The following APOD variants were observed in gnomAD, a reference collection of about 807,000 sequenced individuals.
The protein encoded by APOD is apo-D.
APOD carries 22 observed loss-of-function variants against 20.4 expected under a neutral mutation model. That is an observed-to-expected ratio of 1.08 (90% CI 0.77 to 1.54). The LOEUF is 1.54. Ranked by LOEUF, APOD falls within the 40% of genes most tolerant of loss-of-function variation. APOD has a pLI of 0.00. For missense variants in APOD, 223 were observed against 229.6 expected (o/e 0.97, Z 0.19); for synonymous variants, 97 against 92.4 (o/e 1.05, Z -0.29).
At chr3:195,581,572 G>A (rs1157946562) in intron 1 of APOD, among the ~76,000 whole-genome samples, 1 of 152,094 alleles carries the variant, frequency 6.6e-6, no homozygotes, top group Non-Finnish European at 1.5e-5. Flanking sequence ...GGGAAGCTGG[G>A]GCCTGGAAGG....
Position 195,574,730 on chromosome 3 carries a change from G to A in APOD, c.124-759C>T, listed in dbSNP as rs989368550. ...GTGTAAAGTTATTCATTACAGTACC[G>A]TTTGTAATAATACAAGATAGGAAAC... On this transcript the variant is annotated intron_variant, in intron 2 of 4. Transcript: ENST00000343267. 4.6e-5 allele frequency among the ~76,000 whole-genome samples: 7 copies of A among 152,264 alleles called. No individual in the cohort carries two copies. The South Asian group carries it at 6.2e-4, about 14-fold the overall frequency.
intron 1 of APOD, among the ~76,000 whole-genome samples, chr3:195,582,365 T>C (rs779475872): frequency 3.5e-4 from 54 of 152,374 alleles, no homozygotes; most frequent in Non-Finnish European, 5.9e-4. Context: ...ATACGACATA[T>C]ATTTTTGCAT....
At chr3:195,580,365 C>CTTTCT (rs139094015) in intron 1 of APOD, among the ~76,000 whole-genome samples, 6 of 124,332 alleles carry the variant, frequency 4.8e-5, no homozygotes, top group African/African-American at 8.2e-5. Flanking sequence ...TTCTTTCTTT[C>CTTTCT]TTCTTTTTTT....
intron 4 of APOD, 86 bp from the exon 5 acceptor site, chr3:195,569,221 A>G: frequency 1.8e-6 from 2 of 1,130,644 alleles, no homozygotes; most frequent in Admixed American, 3.8e-5. Flanking sequence ...CCAGACAACC[A>G]CCCACCAAGC....
chr3:195,569,786 G>GGT (rs1720126677), intron 4 of APOD, among the ~76,000 whole-genome samples: 74 of 54,044 alleles, frequency 1.4e-3, no homozygotes, highest in African/African-American at 5.5e-3. Flanking sequence ...CTTCTTCTTC[G>GGT]TTTTTTTTTT....
chr3:195,577,999 CTG>C (rs1363822416), intron 2 of APOD, among the ~76,000 whole-genome samples: 2 of 148,174 alleles, frequency 1.3e-5, no homozygotes, highest in Admixed American at 1.3e-4. Context: ...TTGCGTAACT[CTG>C]TGATGATACT....
rs201525248 is a variant in APOD, at chr3:195,568,843, A to T, written c.*57T>A. The T allele has an allele frequency of 3.5e-6, 3 of 848,364 alleles. No individual in the cohort carries two copies. The highest frequency in any genetic ancestry group is 5.3e-6 in the Non-Finnish European group (3 of 560,828). The allele number at this position is 848,364 out of a possible 1,614,324, so 52.6% of individuals were successfully genotyped here. A position where few individuals can be genotyped will look rare whatever the true frequency, so the allele number is the denominator to read the frequency against. ...TGGTTTGTCTTTATGGGGGGGGGGT[A>T]GGGGAAAGCGAAGCAGAAGTAACAT... On this transcript the variant is annotated 3_prime_UTR_variant, in exon 5 of 5. Transcript: ENST00000343267.
chr3:195,574,108 G>T, intron 2 of APOD, 137 bp from the exon 3 acceptor site: 1 of 1,206,764 alleles, frequency 8.3e-7, no homozygotes, highest in Non-Finnish European at 1.1e-6. Flanking sequence ...GTGGCAACTG[G>T]GCAAGAGATT....
chr3:195,582,237 A>G (rs1720351973), intron 1 of APOD, among the ~76,000 whole-genome samples: 1 of 152,322 alleles, frequency 6.6e-6, no homozygotes, highest in African/African-American at 2.4e-5. Context: ...ACTCCTTGTG[A>G]GAGAAAGGGC....
chr3:195,577,923 C>T (rs7627129), intron 2 of APOD, among the ~76,000 whole-genome samples: 131,606 of 152,164 alleles, frequency 0.86, 57,399 homozygotes, highest in East Asian at 0.99. Flanking sequence ...ATGGAGACTC[C>T]GTGAATGGGT....
At chr3:195,580,815 G>A (rs1373757935) in intron 1 of APOD, among the ~76,000 whole-genome samples, 1 of 152,222 alleles carries the variant, frequency 6.6e-6, no homozygotes, top group Non-Finnish European at 1.5e-5. Context: ...GGCAGCAGAA[G>A]CTGGCTTTGA....
At chr3:195,578,125 T>TATA (rs1484387048) in intron 2 of APOD, among the ~76,000 whole-genome samples, 1 of 152,256 alleles carries the variant, frequency 6.6e-6, no homozygotes, top group African/African-American at 2.4e-5. Context: ...AAAGGACTTC[T>TATA]ATAAATACAG....
chr3:195,569,522 G>A (rs564942354), intron 4 of APOD, among the ~76,000 whole-genome samples: 3 of 152,172 alleles, frequency 2.0e-5, no homozygotes, highest in African/African-American at 4.8e-5. Context: ...TGCCAGCAGC[G>A]GCATCATGGC....
rs750935303 is a variant in APOD, at chr3:195,579,420, G to T, written c.42C>A (p.Leu14=). 6.2e-7 allele frequency: 1 copy of T among 1,614,076 alleles called. No homozygotes were observed. The highest frequency in any genetic ancestry group is 1.1e-5 in the South Asian group (1 of 91,086). The change falls in exon 2 of 5, where the codon CTC becomes CTA. Residue 14 remains leucine, a synonymous_variant. Transcript: ENST00000343267. ...ATGCTTGTCCCTCTGCCGCACCGAA[G>T]AGGCCAGCCAGTGCGGAAAGCAGCA... ...LLLLLSALAG[L]FGAAEGQAFH... is the part of the protein sequence containing the mutation.
At chr3:195,579,204 T>G (rs1720293835) in intron 2 of APOD, 135 bp downstream of exon 2, 5 of 1,416,118 alleles carry the variant, frequency 3.5e-6, no homozygotes, top group Non-Finnish European at 4.8e-6. Flanking sequence ...ATGTCTGCTT[T>G]GGGGAAACCC....
At chr3:195,582,118 C>T (rs994449829) in intron 1 of APOD, among the ~76,000 whole-genome samples, 27 of 152,090 alleles carry the variant, frequency 1.8e-4, no homozygotes, top group African/African-American at 6.5e-4. Flanking sequence ...TGCTTGAACC[C>T]GGGAGGTGGA....
At chr3:195,583,676 C>T (rs191945777) in intron 1 of APOD, among the ~76,000 whole-genome samples, 2 of 152,256 alleles carry the variant, frequency 1.3e-5, no homozygotes, top group Admixed American at 6.5e-5. Context: ...TGAACCTCAG[C>T]TTTATCACTG....
intron 3 of APOD, among the ~76,000 whole-genome samples, chr3:195,572,781 G>GAC (rs1048777094): frequency 9.9e-5 from 15 of 152,198 alleles, no homozygotes; most frequent in Non-Finnish European, 2.1e-4. Flanking sequence ...GGAGGCCAAG[G>GAC]GGGGGCGGAT....
chr3:195,580,368 CTT>C (rs201305902), intron 1 of APOD, among the ~76,000 whole-genome samples: 1 of 140,632 alleles, frequency 7.1e-6, no homozygotes. Flanking sequence ...TTTCTTTCTT[CTT>C]TTTTTTTTTT....
Sources: allele counts gnomAD v4.1 joint callset (sites outside exome capture counted in the v4.1 genomes callset), GRCh38; gene constraint gnomAD v4.1.1; transcripts MANE v1.5; gene names NCBI Gene and HGNC (gene_info 2026-07-23, HGNC 2026-07-21).